Variants in C13orf46 observed in about 807,000 individuals in gnomAD.
The protein encoded by C13orf46 is uncharacterized protein C13orf46.
chr13:113,931,010 T>A, the C13orf46 span, among the ~76,000 whole-genome samples: 2 of 151,966 alleles, frequency 1.3e-5, no homozygotes, highest in South Asian at 4.2e-4. Flanking sequence ...TGACTGAGGG[T>A]CGCTGGGTAG....
chr13:113,962,123 G>A (rs1284511081), intron 6 of C13orf46, among the ~76,000 whole-genome samples: 1 of 152,336 alleles, frequency 6.6e-6, no homozygotes, highest in East Asian at 1.9e-4. Flanking sequence ...AGAGATGGAG[G>A]CTGGGTGCGG....
the C13orf46 span, chr13:113,928,168 C>G: frequency 6.6e-6 from 1 of 152,306 alleles, no homozygotes; most frequent in Non-Finnish European, 1.5e-5. Context: ...GCAGATCCGG[C>G]CAGACCCCCA....
chr13:113,929,448 C>T, the C13orf46 span, among the ~76,000 whole-genome samples: 1 of 152,240 alleles, frequency 6.6e-6, no homozygotes, highest in African/African-American at 2.4e-5. Context: ...CAAGGACAGG[C>T]TCAGCTTCTT....
chr13:113,951,469 T>TC (rs1226179937), downstream of C13orf46, among the ~76,000 whole-genome samples: 5 of 151,152 alleles, frequency 3.3e-5, no homozygotes, highest in African/African-American at 9.8e-5. Context: ...CCAGCACCAC[T>TC]CCCCCCCGCC....
downstream of C13orf46, among the ~76,000 whole-genome samples, chr13:113,951,369 G>A (rs1450126479): frequency 6.6e-6 from 1 of 152,226 alleles, no homozygotes; most frequent in Non-Finnish European, 1.5e-5. Context: ...GCCGGGCGGG[G>A]CCTTTGCTTG....
the C13orf46 span, among the ~76,000 whole-genome samples, chr13:113,929,102 G>A: frequency 6.6e-6 from 1 of 152,258 alleles, no homozygotes; most frequent in Non-Finnish European, 1.5e-5. Flanking sequence ...CTGCCCTGCG[G>A]TCTGGCCTCG....
At chr13:113,928,083 A>G in the C13orf46 span, 1 of 154,756 alleles carries the variant, frequency 6.5e-6, no homozygotes, top group African/African-American at 2.4e-5. Context: ...TAAAAGGGAA[A>G]TGGAATTTCT....
At chr13:113,938,821 T>C in the C13orf46 span, among the ~76,000 whole-genome samples, 1 of 152,246 alleles carries the variant, frequency 6.6e-6, no homozygotes, top group Non-Finnish European at 1.5e-5. Context: ...AACTTCCCAC[T>C]GCCCAGCACG....
rs1234701465 is a variant in C13orf46 at position 113,957,892 on chromosome 13, C to A, written c.573-1053G>T. Among the ~76,000 whole-genome samples the A allele has an allele frequency of 4.8e-3, 717 of 148,310 alleles. 24 individuals are homozygous for A. Among genetic ancestry groups the A allele is most frequent in the Admixed American group, 0.046 (680 of 14,758 alleles). ...GGGTCTCCCCTGCACTCCATATGCA[C>A]CCCCTTTCATCAAGCACACTGGGGT... On this transcript the variant is annotated intron_variant, in intron 6 of 6. Coordinates refer to ENST00000636427, the MANE Select transcript of C13orf46 (RefSeq NM_001365455.2).
At chr13:113,932,926 G>A in the C13orf46 span, among the ~76,000 whole-genome samples, 11 of 151,992 alleles carry the variant, frequency 7.2e-5, no homozygotes, top group African/African-American at 2.2e-4. Context: ...GTGCAGTGGC[G>A]TGGTCTTGGC....
intron 6 of C13orf46, among the ~76,000 whole-genome samples, chr13:113,959,347 T>C (rs1468107929): frequency 1.3e-5 from 2 of 152,114 alleles, no homozygotes; most frequent in Non-Finnish European, 2.9e-5. Flanking sequence ...GGCTGCATGA[T>C]TGGCTAGGAT....
At chr13:113,932,641 T>C in the C13orf46 span, among the ~76,000 whole-genome samples, 636 of 152,344 alleles carry the variant, frequency 4.2e-3, 10 homozygotes, top group East Asian at 0.049. Context: ...TTGAACATGG[T>C]TTGCAAATAA....
the C13orf46 span, among the ~76,000 whole-genome samples, chr13:113,945,574 A>AG: frequency 0.013 from 1,065 of 83,282 alleles, 43 homozygotes; most frequent in African/African-American, 0.036. Context: ...AGAAAGAAAG[A>AG]AAGAGAGAGA....
Position 113,954,291 on chromosome 13 carries a change from G to A in C13orf46, c.*2482C>T, listed in dbSNP as rs942165961. 1.3e-5 allele frequency: 2 copies of A among 152,318 alleles called. No homozygotes were observed. The highest frequency in any genetic ancestry group is 2.9e-5 in the Non-Finnish European group (2 of 68,100). 9.4% of individuals were successfully genotyped at this position (152,318 alleles called of 1,614,324 possible). A position where few individuals can be genotyped will look rare whatever the true frequency, so the allele number is the denominator to read the frequency against. On this transcript the variant is annotated 3_prime_UTR_variant, in exon 7 of 7. Coordinates refer to ENST00000636427, the MANE Select transcript of C13orf46 (RefSeq NM_001365455.2). The stretch of plus-strand genomic sequence containing the variant: ...GAGATGCTGCAGGTCACCTGCCCGT[G>A]CCCTCCTGTGCACATGTGTGGTATG...
intron 4 of C13orf46, among the ~76,000 whole-genome samples, chr13:113,967,617 A>G (rs924458142): frequency 3.3e-5 from 5 of 152,146 alleles, no homozygotes; most frequent in Admixed American, 1.3e-4. Context: ...AGAAGGATGT[A>G]GGAGGGATAT....
At chr13:113,953,334 A>C (rs2052496993), downstream of C13orf46, among the ~76,000 whole-genome samples, 1 of 152,180 alleles carries the variant, frequency 6.6e-6, no homozygotes, top group Non-Finnish European at 1.5e-5. Context: ...GAGTGCCCAG[A>C]ATCAAGGCTC....
rs1162206609 is a variant in C13orf46 at position 113,966,183 on chromosome 13, A to ATGG, written c.504+1155_504+1157dup. ...GATAGTGGTGATGGTGATGATGATG[A>ATGG]TGGTGATGATGGTCATGATGATGGT... On this transcript the variant is annotated intron_variant, in intron 5 of 6. Coordinates refer to ENST00000636427, the MANE Select transcript of C13orf46 (RefSeq NM_001365455.2). Among the ~76,000 whole-genome samples the ATGG allele has an allele frequency of 1.7e-3, 101 of 60,466 alleles. 10 individuals carry two copies. The South Asian group carries it at 0.032, about 19-fold the overall frequency. The allele number at this position is 60,466 out of a possible 152,430, so 39.7% of individuals were successfully genotyped here.
At chr13:113,950,614 T>C (rs2052484948), downstream of C13orf46, among the ~76,000 whole-genome samples, 1 of 152,200 alleles carries the variant, frequency 6.6e-6, no homozygotes, top group East Asian at 1.9e-4. Flanking sequence ...TTTTCAGACC[T>C]GGACACAGCA....
intron 5 of C13orf46, among the ~76,000 whole-genome samples, chr13:113,965,940 G>A (rs1373421919): frequency 7.3e-5 from 11 of 150,380 alleles, no homozygotes; most frequent in Non-Finnish European, 1.6e-4. Flanking sequence ...TGATTATGAT[G>A]GTGATGATGA....
Sources: gnomAD v4.1 joint callset for allele counts (sites outside exome capture counted in the v4.1 genomes callset) on GRCh38, gnomAD v4.1.1 for gene constraint, MANE v1.5 for transcripts, NCBI Gene and HGNC (gene_info 2026-07-23, HGNC 2026-07-21) for gene names.